The following ATP8A2 variants were observed in gnomAD, a reference collection of about 807,000 sequenced individuals.
ATP8A2 encodes phospholipid-transporting ATPase IB.
Under a neutral mutation model 165.6 loss-of-function variants are expected in ATP8A2, and 100 were observed. That is an observed-to-expected ratio of 0.60 (90% CI 0.51 to 0.71). The LOEUF is 0.71. Among genes scored for constraint, ATP8A2 ranks in the 30% least tolerant of loss-of-function variants. ATP8A2 has a pLI of 0.00. For missense variants in ATP8A2, 1,227 were observed against 1,479.5 expected (o/e 0.83, Z 2.80); for synonymous variants, 543 against 548.8 (o/e 0.99, Z 0.15).
chr13:25,701,723 AACACACACACACACACACACACACAC>A (rs71077495), intron 25 of ATP8A2, among the ~76,000 whole-genome samples: 7 of 140,482 alleles, frequency 5.0e-5, no homozygotes, highest in Admixed American at 3.6e-4. Flanking sequence ...TTGATACTAA[AACACACACACACACACACACACACAC>A]ACACACACAC....
At chr13:25,487,949 A>G (rs897876813) in intron 2 of ATP8A2, among the ~76,000 whole-genome samples, 14 of 152,134 alleles carry the variant, frequency 9.2e-5, no homozygotes, top group Non-Finnish European at 1.9e-4. Context: ...GGACCAAGTG[A>G]ATGACCTTAG....
chr13:26,004,400 GT>G (rs898572203), intron 35 of ATP8A2, among the ~76,000 whole-genome samples: 1 of 151,978 alleles, frequency 6.6e-6, no homozygotes, highest in African/African-American at 2.4e-5. Context: ...GTTCTAAACA[GT>G]TTTTTGGTGG....
At chr13:25,975,536 C>A (rs189194252) in intron 35 of ATP8A2, among the ~76,000 whole-genome samples, 1 of 151,672 alleles carries the variant, frequency 6.6e-6, no homozygotes, top group South Asian at 2.1e-4. Flanking sequence ...GAGCCGAGAT[C>A]GCGCCACTGC....
At chr13:25,822,556 C>T (rs1386978138) in intron 27 of ATP8A2, among the ~76,000 whole-genome samples, 3 of 152,132 alleles carry the variant, frequency 2.0e-5, no homozygotes, top group African/African-American at 7.2e-5. Flanking sequence ...TTTCTTCCCC[C>T]TGTGATCACA....
chr13:25,764,177 G>T (rs1377402202), intron 25 of ATP8A2, among the ~76,000 whole-genome samples: 2 of 151,932 alleles, frequency 1.3e-5, no homozygotes, highest in Non-Finnish European at 2.9e-5. Context: ...TGATAAGTTG[G>T]TTTCTGTGTC....
chr13:25,916,358 C>A (rs1270934458), intron 33 of ATP8A2, among the ~76,000 whole-genome samples: 1 of 152,220 alleles, frequency 6.6e-6, no homozygotes, highest in Non-Finnish European at 1.5e-5. Context: ...CGGTACCAGC[C>A]TTCCTTTTTA....
intron 33 of ATP8A2, among the ~76,000 whole-genome samples, chr13:25,918,769 C>T (rs1311533166): frequency 2.0e-5 from 3 of 152,102 alleles, no homozygotes; most frequent in Non-Finnish European, 4.4e-5. Flanking sequence ...TCCCAGCAGC[C>T]GATCCTGGTT....
In ATP8A2 at chr13:25,538,046, T is replaced by G; in HGVS notation, c.566T>G (p.Val189Gly). Reference protein sequence around the residue: ...VNGQYLPADVVLLSSSEPQAM... With the variant: ...VNGQYLPADVGLLSSSEPQAM... ...GGGCAGTATCTTCCAGCAGATGTGG[T>G]CCTGCTGTCATCCAGGTTAGCTGTG... Residue 189 changes from valine to glycine, a missense_variant, in exon 7 of 37, where the codon GTC becomes GGC. Around this residue, in one of 5 missense-constraint regions of ATP8A2, gnomAD observed 356 missense variants for 394.9 expected, o/e 0.90. Transcript: ENST00000381655. 1 of 1,613,808 alleles carries G rather than the reference T, an allele frequency of 6.2e-7. No individual in the cohort carries two copies. The highest frequency in any genetic ancestry group is 8.5e-7 in the Non-Finnish European group (1 of 1,179,714).
intron 30 of ATP8A2, among the ~76,000 whole-genome samples, chr13:25,847,378 CT>C (rs1309620437): frequency 6.6e-6 from 1 of 152,222 alleles, no homozygotes; most frequent in Non-Finnish European, 1.5e-5. Context: ...CTGACTTTAG[CT>C]GTTTTCCTGT....
intron 1 of ATP8A2, among the ~76,000 whole-genome samples, chr13:25,387,614 AC>A (rs1042743733): frequency 2.0e-5 from 3 of 152,140 alleles, no homozygotes; most frequent in African/African-American, 7.2e-5. Context: ...AAATAGGAGA[AC>A]AATTGGAGTG....
chr13:25,762,073 C>G (rs2044390516), intron 25 of ATP8A2, among the ~76,000 whole-genome samples: 1 of 151,734 alleles, frequency 6.6e-6, no homozygotes, highest in Non-Finnish European at 1.5e-5. Flanking sequence ...ACCAGGCTGG[C>G]CAACATGGCA....
At chr13:26,012,798 G>T (rs1018982117) in intron 36 of ATP8A2, among the ~76,000 whole-genome samples, 176 bp downstream of exon 36, 2 of 152,048 alleles carry the variant, frequency 1.3e-5, no homozygotes, top group African/African-American at 4.8e-5. Flanking sequence ...CCAGGAACGT[G>T]CAGCTTGAGT....
chr13:25,725,854 G>A (rs2043482342), intron 25 of ATP8A2, among the ~76,000 whole-genome samples: 1 of 152,162 alleles, frequency 6.6e-6, no homozygotes, highest in Non-Finnish European at 1.5e-5. Flanking sequence ...GATGTCACAT[G>A]CTGTGGCAGA....
intron 2 of ATP8A2, among the ~76,000 whole-genome samples, chr13:25,527,662 T>G (rs895829940): frequency 5.3e-5 from 8 of 152,128 alleles, no homozygotes; most frequent in African/African-American, 1.9e-4. Flanking sequence ...TCTAGTAGAG[T>G]AAAAGTTAGT....
chr13:25,785,221 A>G (rs1030847975), intron 27 of ATP8A2, among the ~76,000 whole-genome samples: 1 of 151,696 alleles, frequency 6.6e-6, no homozygotes, highest in African/African-American at 2.4e-5. Flanking sequence ...CAACATGGTG[A>G]AACCCTGTCT....
chr13:25,502,832 T>TTG (rs2036897457), intron 2 of ATP8A2, among the ~76,000 whole-genome samples: 1 of 152,172 alleles, frequency 6.6e-6, no homozygotes, highest in South Asian at 2.1e-4. Flanking sequence ...GAGGCTGGCA[T>TTG]TGTGTGGGTT....
At position 25,866,584 on chromosome 13, in the gene ATP8A2, CA is replaced by C. The variant is rs143368889; in HGVS notation, c.3183+4181del. On this transcript the variant is annotated intron_variant, in intron 33 of 36. Transcript: ENST00000381655. The stretch of plus-strand genomic sequence containing the variant: ...TGTCAAAATGACAACCCCCACCCCC[CA>C]AAAATATGTGCAGGCAATCACGTAC... Among the ~76,000 whole-genome samples the C allele has an allele frequency of 4.5e-3, 682 of 152,192 alleles. 4 individuals carry two copies. Among genetic ancestry groups the C allele is most frequent in the African/African-American group, 0.016 (650 of 41,524 alleles).
intron 33 of ATP8A2, among the ~76,000 whole-genome samples, chr13:25,942,726 C>T (rs922336894): frequency 2.0e-5 from 3 of 152,166 alleles, no homozygotes; most frequent in African/African-American, 7.2e-5. Context: ...GCCCAGCCAA[C>T]TTATCGATTT....
intron 33 of ATP8A2, among the ~76,000 whole-genome samples, chr13:25,916,162 T>A (rs1954261955): frequency 6.6e-6 from 1 of 152,192 alleles, no homozygotes; most frequent in Admixed American, 6.5e-5. Context: ...ACACTAACAA[T>A]GTGACAGAAA....
Sources: allele counts gnomAD v4.1 joint callset (sites outside exome capture counted in the v4.1 genomes callset), GRCh38; gene constraint gnomAD v4.1.1; regional missense constraint gnomAD v4.1.1; transcripts MANE v1.5; gene names NCBI Gene and HGNC (gene_info 2026-07-23, HGNC 2026-07-21).